Variants in SORCS2 observed in about 807,000 individuals in gnomAD.
SORCS2 encodes the protein sortilin related VPS10 domain containing receptor 2.
A neutral mutation model predicts 141.6 loss-of-function variants in SORCS2; 100 were observed. The ratio of observed to expected loss-of-function variants is 0.71; its 90% CI spans 0.60 to 0.83. The LOEUF is 0.83. Ranked by LOEUF, SORCS2 falls within the 40% of genes least tolerant of loss-of-function variation. SORCS2 has a pLI of 0.00. For missense variants in SORCS2, 1,646 were observed against 1,560.2 expected (o/e 1.05, Z -0.93); for synonymous variants, 789 against 676.9 (o/e 1.17, Z -2.57).
intron 1 of SORCS2, among the ~76,000 whole-genome samples, chr4:7,324,501 G>T (rs534557308): frequency 3.9e-5 from 6 of 152,212 alleles, no homozygotes; most frequent in Non-Finnish European, 5.9e-5. Context: ...TGGGAACTGC[G>T]CGGGGTTAGT....
chr4:7,547,154 G>GAC (rs1463515473), intron 3 of SORCS2, among the ~76,000 whole-genome samples: 1 of 152,140 alleles, frequency 6.6e-6, no homozygotes, highest in Non-Finnish European at 1.5e-5. Flanking sequence ...TCTACATGGG[G>GAC]ACACAGGGCT....
At chr4:7,366,944 C>A (rs575092457) in intron 1 of SORCS2, among the ~76,000 whole-genome samples, 5 of 152,210 alleles carry the variant, frequency 3.3e-5, no homozygotes, top group Admixed American at 1.3e-4. Context: ...GCCTGAGAGG[C>A]CAGGTCGGAA....
At chr4:7,315,901 A>G (rs1293348979) in intron 1 of SORCS2, among the ~76,000 whole-genome samples, 1 of 151,990 alleles carries the variant, frequency 6.6e-6, no homozygotes. Flanking sequence ...CCAACCTACC[A>G]TTTCTGCCTC....
At chr4:7,407,812 A>C (rs4689734) in intron 2 of SORCS2, among the ~76,000 whole-genome samples, 47,345 of 151,896 alleles carry the variant, frequency 0.31, 9,105 homozygotes, top group Middle Eastern at 0.49. Flanking sequence ...GTATGTTTAA[A>C]TCCATTGATA....
intron 3 of SORCS2, among the ~76,000 whole-genome samples, chr4:7,616,534 A>C (rs1458019873): frequency 6.6e-6 from 1 of 152,084 alleles, no homozygotes; most frequent in Admixed American, 6.6e-5. Flanking sequence ...GACACCCACC[A>C]CCCTCAAGGT....
chr4:7,301,184 C>T (rs1222141459), intron 1 of SORCS2, among the ~76,000 whole-genome samples: 1 of 152,200 alleles, frequency 6.6e-6, no homozygotes, highest in African/African-American at 2.4e-5. Context: ...TCTTGGCAGT[C>T]GCTTTTCCTC....
chr4:7,459,028 C>T (rs1447978220), intron 2 of SORCS2, among the ~76,000 whole-genome samples: 1 of 152,044 alleles, frequency 6.6e-6, no homozygotes, highest in African/African-American at 2.4e-5. Flanking sequence ...GCCTGCTGGG[C>T]TCCTAAGGCG....
At position 7,401,109 on chromosome 4, in the gene SORCS2, A is replaced by T. The variant is rs1221228746; in HGVS notation, c.548+4754A>T. Reference sequence around the variant, plus strand: ...TACATGGATAGATGAATGGATGGATAGATGGGTGGATGAATGGATGGATAG... The same window carrying T: ...TACATGGATAGATGAATGGATGGATTGATGGGTGGATGAATGGATGGATAG... On this transcript the variant is annotated intron_variant, in intron 2 of 26. Coordinates refer to ENST00000507866, the MANE Select transcript of SORCS2 (RefSeq NM_020777.3). Among the ~76,000 whole-genome samples the T allele has an allele frequency of 2.0e-5, 3 of 150,866 alleles. No individual in the cohort carries two copies. In the East Asian group the frequency reaches 6.0e-4, roughly 30 times the overall value.
intron 2 of SORCS2, among the ~76,000 whole-genome samples, chr4:7,493,871 T>A (rs1242500168): frequency 2.0e-5 from 3 of 152,246 alleles, no homozygotes; most frequent in African/African-American, 4.8e-5. Context: ...GGATATTAAA[T>A]GACGTGATAC....
At chr4:7,545,486 C>A (rs921791296) in intron 3 of SORCS2, among the ~76,000 whole-genome samples, 4 of 152,156 alleles carry the variant, frequency 2.6e-5, no homozygotes, top group African/African-American at 9.7e-5. Flanking sequence ...CTAAGAGAGA[C>A]AGGGACCTGC....
chr4:7,581,461 C>A (rs1370532998), intron 3 of SORCS2, among the ~76,000 whole-genome samples: 1 of 152,004 alleles, frequency 6.6e-6, no homozygotes, highest in African/African-American at 2.4e-5. Flanking sequence ...TGATCACAGA[C>A]CACAGTAGAC....
At chr4:7,448,241 A>C (rs2109279774) in intron 2 of SORCS2, among the ~76,000 whole-genome samples, 1 of 152,174 alleles carries the variant, frequency 6.6e-6, no homozygotes, top group Non-Finnish European at 1.5e-5. Flanking sequence ...TGGCGCCTGG[A>C]GGTGGAACTG....
chr4:7,466,419 A>C (rs1729620663), intron 2 of SORCS2, among the ~76,000 whole-genome samples: 1 of 152,046 alleles, frequency 6.6e-6, no homozygotes, highest in Non-Finnish European at 1.5e-5. Context: ...GCCACGCCCC[A>C]CTCAGAGGAG....
chr4:7,409,035 A>G (rs959643625), intron 2 of SORCS2, among the ~76,000 whole-genome samples: 1 of 152,200 alleles, frequency 6.6e-6, no homozygotes, highest in African/African-American at 2.4e-5. Context: ...TTCTTGGTCA[A>G]GGAGCTCACG....
At chr4:7,222,912 G>A (rs1392855) in intron 1 of SORCS2, among the ~76,000 whole-genome samples, 1 of 152,134 alleles carries the variant, frequency 6.6e-6, no homozygotes, top group Admixed American at 6.6e-5. Flanking sequence ...ACTCCACCTT[G>A]ACTCATTCAC....
At chr4:7,384,316 A>G (rs1577477196) in intron 1 of SORCS2, among the ~76,000 whole-genome samples, 3 of 152,312 alleles carry the variant, frequency 2.0e-5, no homozygotes, top group East Asian at 3.9e-4. Context: ...TAACGTCCAT[A>G]GAGTGCTCAG....
intron 1 of SORCS2, among the ~76,000 whole-genome samples, chr4:7,326,776 G>A (rs1442084403): frequency 6.6e-6 from 1 of 152,218 alleles, no homozygotes; most frequent in East Asian, 1.9e-4. Flanking sequence ...CTGGTCAGGG[G>A]CCAGCCAAGC....
In SORCS2 at chr4:7,725,194, T is replaced by C. The variant is rs763798606; in HGVS notation, c.2652T>C (p.Ile884=). ...QALYLEVVPV[I]GLNQEVNLTA... ...TCTACCTGGAGGTGGTTCCTGTCAT[T>C]GGCCTCAACCAGGAGGTGAACCTCA... Residue 884 remains isoleucine, a synonymous_variant, in exon 20 of 27, where the codon ATT becomes ATC. Transcript: ENST00000507866. 9 of 1,613,584 alleles carry C rather than the reference T, an allele frequency of 5.6e-6. No individual in the cohort carries two copies. In the East Asian group the frequency reaches 1.3e-4, roughly 24 times the overall value.
chr4:7,263,459 T>C (rs958950379), intron 1 of SORCS2, among the ~76,000 whole-genome samples: 1 of 152,178 alleles, frequency 6.6e-6, no homozygotes, highest in Non-Finnish European at 1.5e-5. Context: ...TGGCCGGGTG[T>C]TCATCATCGT....
Sources: allele counts gnomAD v4.1 joint callset (sites outside exome capture counted in the v4.1 genomes callset), GRCh38; gene constraint gnomAD v4.1.1; transcripts MANE v1.5; gene names NCBI Gene and HGNC (gene_info 2026-07-23, HGNC 2026-07-21).